SREBF2: variants seen among roughly 807,000 people sequenced by gnomAD.
SREBF2 encodes sterol regulatory element binding transcription factor 2.
Under a neutral mutation model 113.1 loss-of-function variants are expected in SREBF2, and 55 were observed. That is an observed-to-expected ratio of 0.49 (90% confidence interval 0.39 to 0.61). The LOEUF is 0.61. SREBF2 is among the 20% of genes least tolerant of loss of function. The pLI is 0.00. For missense variants in SREBF2, 1,349 were observed against 1,487.4 expected (o/e 0.91, Z 1.53); for synonymous variants, 593 against 605.7 (o/e 0.98, Z 0.31).
intron 11 of SREBF2, among the ~76,000 whole-genome samples, chr22:41,887,832 A>G (rs773895527): frequency 1.7e-4 from 25 of 151,396 alleles, no homozygotes; most frequent in South Asian, 1.0e-3. Context: ...AACACATATA[A>G]TGTCAATTTT....
At chr22:41,846,795 C>A (rs762411153) in intron 1 of SREBF2, among the ~76,000 whole-genome samples, 7 of 152,192 alleles carry the variant, frequency 4.6e-5, no homozygotes, top group Non-Finnish European at 8.8e-5. Context: ...TCACTGCCTG[C>A]CAGGATGGAT....
At chr22:41,837,518 A>G (rs2076787107) in intron 1 of SREBF2, among the ~76,000 whole-genome samples, 1 of 148,112 alleles carries the variant, frequency 6.8e-6, no homozygotes, top group Admixed American at 6.9e-5. Context: ...AGATCATGCC[A>G]CTGCACTCCA....
At chr22:41,878,678 C>A (rs1332457253) in intron 9 of SREBF2, 1 of 1,304,110 alleles carries the variant, frequency 7.7e-7, no homozygotes, top group African/African-American at 1.5e-5. Flanking sequence ...GGAAAAAAAT[C>A]TGGGGCAACT....
intron 1 of SREBF2, among the ~76,000 whole-genome samples, chr22:41,836,990 C>A (rs1032062765): frequency 6.6e-6 from 1 of 152,140 alleles, no homozygotes; most frequent in Non-Finnish European, 1.5e-5. Flanking sequence ...TGAATGGCTT[C>A]TAAGTATTCA....
At chr22:41,838,359 G>A (rs950485677) in intron 1 of SREBF2, among the ~76,000 whole-genome samples, 1 of 152,200 alleles carries the variant, frequency 6.6e-6, no homozygotes, top group Non-Finnish European at 1.5e-5. Context: ...TACTGTAGAT[G>A]CAAGGTGTTT....
chr22:41,892,323 T>C (rs2077371119), intron 11 of SREBF2, among the ~76,000 whole-genome samples: 1 of 152,220 alleles, frequency 6.6e-6, no homozygotes, highest in Admixed American at 6.5e-5. Flanking sequence ...CAGAATAATT[T>C]TGCCTAAAAT....
At chr22:41,851,970 A>G (rs1414738143) in intron 1 of SREBF2, among the ~76,000 whole-genome samples, 3 of 152,048 alleles carry the variant, frequency 2.0e-5, no homozygotes, top group African/African-American at 7.2e-5. Context: ...AAATACGAAA[A>G]ATTAGCCGGG....
At chr22:41,878,839 C>G (rs1332116790) in intron 9 of SREBF2, 3 of 947,502 alleles carry the variant, frequency 3.2e-6, no homozygotes, top group African/African-American at 3.4e-5. Context: ...CTGGATCTGT[C>G]AGCCTTGCTG....
chr22:41,902,335 C>T (rs1416505773), intron 16 of SREBF2, among the ~76,000 whole-genome samples: 1 of 152,248 alleles, frequency 6.6e-6, no homozygotes, highest in Admixed American at 6.5e-5. Context: ...TATGATACAA[C>T]AGCCCTGTGA....
At chr22:41,862,735 G>A (rs2077038163) in intron 1 of SREBF2, among the ~76,000 whole-genome samples, 1 of 152,152 alleles carries the variant, frequency 6.6e-6, no homozygotes, top group Admixed American at 6.5e-5. Flanking sequence ...CAGACCAGAT[G>A]GGGTCCTGGA....
Position 41,868,802 on chromosome 22 carries a change from T to C in SREBF2, c.720+10T>C. 1 of 1,601,174 alleles carries C rather than the reference T, an allele frequency of 6.2e-7. No individual in the cohort carries two copies. The highest frequency in any genetic ancestry group is 8.5e-7 in the Non-Finnish European group (1 of 1,174,032). On this transcript the variant is annotated intron_variant, in intron 3 of 18. Coordinates refer to ENST00000361204, the MANE Select transcript of SREBF2 (RefSeq NM_004599.4). ...GGTGCAGCAGGTCCCGGTAAGTGGC[T>C]GGAAAGGATTCAGGGAGGCACTGGT... is the stretch of plus-strand genomic sequence containing the variant.
At chr22:41,902,245 C>T (rs1381624623) in intron 16 of SREBF2, among the ~76,000 whole-genome samples, 1 of 152,208 alleles carries the variant, frequency 6.6e-6, no homozygotes, top group Non-Finnish European at 1.5e-5. Context: ...TGCAGGTGTG[C>T]CACTGCGAGC....
In SREBF2 at chr22:41,903,089, G is replaced by T; in HGVS notation, c.3027G>T (p.Ala1009=). Residue 1009 remains alanine, a synonymous_variant, in exon 17 of 19, where the codon GCG becomes GCT. Transcript: ENST00000361204. ...ETYHASGAEL[A]GFQRDLGSLR... ...ACCACGCGTCAGGCGCTGAACTGGC[G>T]GGCTTCCAACGGGACCTGGGCAGCC... The T allele has an allele frequency of 6.3e-7, 1 of 1,582,002 alleles. No individual in the cohort carries two copies. The highest frequency in any genetic ancestry group is 2.3e-5 in the East Asian group (1 of 42,808).
At chr22:41,896,253 A>G (rs1309818357) in intron 13 of SREBF2, among the ~76,000 whole-genome samples, 2 of 152,098 alleles carry the variant, frequency 1.3e-5, no homozygotes, top group Non-Finnish European at 2.9e-5. Context: ...GTGCCGGGCA[A>G]TTTTTCTCTC....
chr22:41,899,400 C>T (rs2077445104), intron 15 of SREBF2: 3 of 1,002,848 alleles, frequency 3.0e-6, no homozygotes, highest in Admixed American at 1.0e-4. Context: ...CTGCTGACTC[C>T]CCGGCTGTTT....
Position 41,897,122 on chromosome 22 carries a change from C to A in SREBF2, c.2566C>A (p.Pro856Thr). 1.2e-6 allele frequency: 2 copies of A among 1,612,272 alleles called. No individual in the cohort carries two copies. The highest frequency in any genetic ancestry group is 1.7e-6 in the Non-Finnish European group (2 of 1,179,838). ...SFVDSVGVMS[P>T]PLSRSSVLKS... is the part of the protein sequence containing the mutation. Reference sequence around the variant, plus strand: ...TGTGGACTCTGTGGGGGTTATGAGCCCCCCACTCTCCAGGAGCTCCGTGCT... The same window carrying A: ...TGTGGACTCTGTGGGGGTTATGAGCACCCCACTCTCCAGGAGCTCCGTGCT... Residue 856 changes from proline to threonine, a missense_variant, in exon 14 of 19, where the codon CCC (proline) becomes ACC (threonine). By Grantham distance (38) the Pro-to-Thr change is conservative. This residue lies in a region of SREBF2 where 650 missense variants were observed against 644.1 expected (regional missense o/e 1.01). Transcript: ENST00000361204.
At chr22:41,899,560 A>G (rs1231821244) in intron 15 of SREBF2, 3 of 992,950 alleles carry the variant, frequency 3.0e-6, no homozygotes, top group African/African-American at 3.5e-5. Context: ...AAGAGTGAGT[A>G]TACACAGGCT....
chr22:41,834,999 T>G (rs555699765), intron 1 of SREBF2, among the ~76,000 whole-genome samples: 1 of 152,126 alleles, frequency 6.6e-6, no homozygotes, highest in Admixed American at 6.6e-5. Context: ...GGGTGGTTCA[T>G]TAATTTACTG....
intron 5 of SREBF2, 85 bp downstream of exon 5, chr22:41,874,104 C>G: frequency 1.4e-6 from 2 of 1,424,384 alleles, no homozygotes; most frequent in Non-Finnish European, 2.0e-6. Flanking sequence ...AAGTCCCAGG[C>G]TCAAGGTAAG....
Sources: gnomAD v4.1 joint callset for allele counts (sites outside exome capture counted in the v4.1 genomes callset) on GRCh38, gnomAD v4.1.1 for gene constraint, gnomAD v4.1.1 regional missense constraint, MANE v1.5 for transcripts, NCBI Gene and HGNC (gene_info 2026-07-23, HGNC 2026-07-21) for gene names.